CPNE5: variants seen among roughly 807,000 people sequenced by gnomAD.
CPNE5 encodes copine-5.
Under a neutral mutation model 81.1 loss-of-function variants are expected in CPNE5, and 42 were observed. The ratio of observed to expected loss-of-function variants is 0.52; its 90% confidence interval spans 0.40 to 0.67. The LOEUF is 0.67. Ranked by LOEUF, CPNE5 falls within the 30% of genes least tolerant of loss-of-function variation. The probability of loss-of-function intolerance (pLI) is 0.00; values close to 1 mark genes in which losing one functional copy is unlikely to be tolerated. For missense variants in CPNE5, 612 were observed against 815.5 expected, an observed-to-expected ratio of 0.75 and a Z score of 3.04; for synonymous variants, 313 against 321.5, an observed-to-expected ratio of 0.97 and a Z score of 0.28.
chr6:36,784,657 C>T (rs770400842), intron 8 of CPNE5, among the ~76,000 whole-genome samples: 7 of 152,150 alleles, frequency 4.6e-5, no homozygotes. Flanking sequence ...ATGCCGTCCC[C>T]TTGGCCGGGC....
At chr6:36,808,712 C>T (rs992233175) in intron 3 of CPNE5, among the ~76,000 whole-genome samples, 1 of 152,190 alleles carries the variant, frequency 6.6e-6, no homozygotes, top group Non-Finnish European at 1.5e-5. Flanking sequence ...AGCTGGTCTC[C>T]AATACTGATA....
chr6:36,781,919 G>A (rs753015237), intron 8 of CPNE5, among the ~76,000 whole-genome samples: 7 of 152,186 alleles, frequency 4.6e-5, no homozygotes, highest in South Asian at 4.2e-4. Flanking sequence ...GGGGAGCAGC[G>A]GGGATGGCCC....
intron 6 of CPNE5, 92 bp from the exon 7 acceptor site, chr6:36,794,741 C>G: frequency 8.9e-7 from 1 of 1,128,586 alleles, no homozygotes; most frequent in Non-Finnish European, 1.3e-6. Flanking sequence ...TGCTTGGAGA[C>G]AAGCGGCTGC....
At chr6:36,787,590 C>T (rs1289057938) in intron 8 of CPNE5, among the ~76,000 whole-genome samples, 1 of 152,162 alleles carries the variant, frequency 6.6e-6, no homozygotes, top group Non-Finnish European at 1.5e-5. Flanking sequence ...GACCACTGCT[C>T]TCATGTGATT....
chr6:36,777,608 G>C (rs1315202226), intron 9 of CPNE5, among the ~76,000 whole-genome samples: 1 of 152,118 alleles, frequency 6.6e-6, no homozygotes, highest in African/African-American at 2.4e-5. Flanking sequence ...AATCCTTCTG[G>C]GAGTCCTTTG....
chr6:36,745,195 G>A (rs1764005186), intron 17 of CPNE5, 45 bp from the exon 18 acceptor site: 2 of 1,523,716 alleles, frequency 1.3e-6, no homozygotes, highest in African/African-American at 1.4e-5. Flanking sequence ...CGGGACCTCT[G>A]GGCATGTTCC....
intron 3 of CPNE5, among the ~76,000 whole-genome samples, chr6:36,806,520 C>T (rs1435102345): frequency 6.6e-6 from 1 of 152,238 alleles, no homozygotes; most frequent in African/African-American, 2.4e-5. Context: ...CAGCTCCCTG[C>T]TGTTGCAAGC....
chr6:36,832,968 T>C (rs1279730938), intron 1 of CPNE5, among the ~76,000 whole-genome samples: 1 of 152,116 alleles, frequency 6.6e-6, no homozygotes, highest in Non-Finnish European at 1.5e-5. Context: ...TGGTTTCTGC[T>C]CCCCAAGGAT....
At position 36,766,563 on chromosome 6, in the gene CPNE5, T is replaced by C. The variant is rs1055110590; in HGVS notation, c.738-1187A>G. On this transcript the variant is annotated intron_variant, in intron 10 of 20. Coordinates refer to ENST00000244751, the MANE Select transcript of CPNE5 (RefSeq NM_020939.2). The surrounding 1 kb of genome is among the most constrained non-coding windows in gnomAD (Gnocchi z 4.2). ...AACCATGTCTCTCTGAGGTGAATTA[T>C]TGTGGAAAGGAAAAAAAAATCACCT... Among the ~76,000 whole-genome samples the C allele has an allele frequency of 3.9e-5, 6 of 152,084 alleles. No individual in the cohort carries two copies. The highest frequency in any genetic ancestry group is 1.5e-4 in the African/African-American group (6 of 41,374).
chr6:36,784,688 T>C (rs1768362076), intron 8 of CPNE5, among the ~76,000 whole-genome samples: 1 of 152,108 alleles, frequency 6.6e-6, no homozygotes, highest in Non-Finnish European at 1.5e-5. Context: ...ACAACTGTAG[T>C]CTCAGCACTT....
chr6:36,802,176 G>A (rs188239974), intron 3 of CPNE5, among the ~76,000 whole-genome samples: 13 of 125,192 alleles, frequency 1.0e-4, no homozygotes, highest in East Asian at 2.5e-4. Flanking sequence ...CCAGGATTGC[G>A]CCAATGTACT....
At chr6:36,818,850 T>A (rs535296243) in intron 3 of CPNE5, among the ~76,000 whole-genome samples, 1 of 152,352 alleles carries the variant, frequency 6.6e-6, no homozygotes, top group East Asian at 1.9e-4. Context: ...AGAATGTAAT[T>A]AATGGCTCAC....
chr6:36,785,126 C>G (rs1403740652), intron 8 of CPNE5, among the ~76,000 whole-genome samples: 1 of 152,164 alleles, frequency 6.6e-6, no homozygotes, highest in Non-Finnish European at 1.5e-5. Context: ...CCATTTGCAT[C>G]TCTCCGCATG....
intron 3 of CPNE5, among the ~76,000 whole-genome samples, chr6:36,812,483 C>T (rs1400372914): frequency 6.6e-6 from 1 of 152,084 alleles, no homozygotes; most frequent in Non-Finnish European, 1.5e-5. Flanking sequence ...CATGTGGTCC[C>T]TACCACAGTC....
At chr6:36,754,692 G>A (rs1176841858) in intron 13 of CPNE5, 1 of 152,280 alleles carries the variant, frequency 6.6e-6, no homozygotes, top group Non-Finnish European at 1.5e-5. Flanking sequence ...TGTGACCTGG[G>A]ACAAATCGCA....
chr6:36,802,209 C>T (rs968279718), intron 3 of CPNE5, among the ~76,000 whole-genome samples: 2 of 89,684 alleles, frequency 2.2e-5, no homozygotes, highest in Middle Eastern at 0.013. Context: ...CAGAGTGAGA[C>T]TCCATCTCAA....
In CPNE5 at chr6:36,746,798, C is replaced by A. The variant is rs1220227602; in HGVS notation, c.1019-221G>T. Reference sequence around the variant, plus strand: ...CCACCACCCTCTTGCTTATAGGATGCAGCAGTCTCCTAACTGATCTCCCAC... The same window carrying A: ...CCACCACCCTCTTGCTTATAGGATGAAGCAGTCTCCTAACTGATCTCCCAC... On this transcript the variant is annotated intron_variant, in intron 15 of 20. Transcript: ENST00000244751. This position sits in a 1 kb window ranked among gnomAD's most constrained non-coding sequence, Gnocchi z 4.5. 6.6e-6 allele frequency among the ~76,000 whole-genome samples: 1 copy of A among 152,108 alleles called. No homozygotes were observed. Among genetic ancestry groups the A allele is most frequent in the Non-Finnish European group, 1.5e-5 (1 of 68,000 alleles).
rs1194313699 is a variant in CPNE5, at chr6:36,839,392, C to T, written c.-15G>A. On this transcript the variant is annotated 5_prime_UTR_variant, in exon 1 of 21. Coordinates refer to ENST00000244751, the MANE Select transcript of CPNE5 (RefSeq NM_020939.2). This position sits in a 1 kb window ranked among gnomAD's most constrained non-coding sequence, Gnocchi z 7.3. The stretch of plus-strand genomic sequence containing the variant: ...GGCTGCTCCATCGCCCACCGCACCC[C>T]CCACCCCAAATTAGTCAATCCCTGC... The T allele has an allele frequency of 6.5e-7, 1 of 1,537,194 alleles. No homozygotes were observed. The highest frequency in any genetic ancestry group is 8.8e-7 in the Non-Finnish European group (1 of 1,138,244).
At chr6:36,755,904 G>T in intron 13 of CPNE5, 1 of 361,350 alleles carries the variant, frequency 2.8e-6, no homozygotes, top group Non-Finnish European at 5.0e-6. Context: ...TGCCTCTCAG[G>T]GCAACAACCT....
Sources: gnomAD v4.1 joint callset for allele counts (sites outside exome capture counted in the v4.1 genomes callset) on GRCh38, gnomAD v4.1.1 for gene constraint, Gnocchi (gnomAD v3.1) non-coding constraint, MANE v1.5 for transcripts, NCBI Gene and HGNC (gene_info 2026-07-23, HGNC 2026-07-21) for gene names.